PTPRM: variants seen among roughly 807,000 people sequenced by gnomAD.
The protein encoded by PTPRM is receptor-type tyrosine-protein phosphatase mu.
PTPRM carries 47 observed loss-of-function variants against 186.7 expected under a neutral mutation model. The observed-to-expected ratio is 0.25, with a 90% CI of 0.20 to 0.32. PTPRM has a LOEUF of 0.32. PTPRM is among the 10% of genes least tolerant of loss of function. PTPRM has a pLI of 1.00. For synonymous variants in PTPRM, 668 were observed against 674.9 expected (o/e 0.99, Z 0.16); for missense variants, 1,494 against 1,865.0 (o/e 0.80, Z 3.66).
intron 7 of PTPRM, among the ~76,000 whole-genome samples, chr18:8,004,831 C>T (rs779311935): frequency 1.2e-4 from 18 of 152,106 alleles, no homozygotes; most frequent in Non-Finnish European, 2.4e-4. Context: ...AGGCAATCGC[C>T]GTTTACCCTA....
intron 14 of PTPRM, among the ~76,000 whole-genome samples, chr18:8,158,142 A>C (rs1240990635): frequency 2.0e-5 from 3 of 152,194 alleles, no homozygotes; most frequent in Non-Finnish European, 2.9e-5. Flanking sequence ...ACCTCTATCT[A>C]TTAGCATAGC....
chr18:7,895,557 T>C (rs2049311572), intron 3 of PTPRM, among the ~76,000 whole-genome samples: 1 of 152,154 alleles, frequency 6.6e-6, no homozygotes, highest in Admixed American at 6.5e-5. Context: ...TCCCTGGACT[T>C]GTTTGACTGC....
At chr18:8,403,421 T>C (rs2095882921) in intron 32 of PTPRM, 1 of 152,198 alleles carries the variant, frequency 6.6e-6, no homozygotes, top group South Asian at 2.1e-4. Flanking sequence ...CTGTTGGGTA[T>C]AACATTCGAT....
intron 13 of PTPRM, among the ~76,000 whole-genome samples, chr18:8,118,211 T>A (rs1158881813): frequency 6.6e-6 from 1 of 152,192 alleles, no homozygotes; most frequent in Non-Finnish European, 1.5e-5. Flanking sequence ...TAAAATAAGA[T>A]TTTTTCATAA....
chr18:7,758,530 C>G (rs187990980), intron 1 of PTPRM, among the ~76,000 whole-genome samples: 39 of 152,264 alleles, frequency 2.6e-4, no homozygotes, highest in African/African-American at 9.1e-4. Context: ...GTGGCTCTAG[C>G]AATTAACAAT....
At chr18:7,577,918 C>T (rs2036732354) in intron 1 of PTPRM, among the ~76,000 whole-genome samples, 1 of 152,018 alleles carries the variant, frequency 6.6e-6, no homozygotes, top group Non-Finnish European at 1.5e-5. Context: ...GTTGAGAATG[C>T]TTGGTATGTT....
At chr18:7,747,207 C>T (rs1022529724) in intron 1 of PTPRM, among the ~76,000 whole-genome samples, 2 of 152,102 alleles carry the variant, frequency 1.3e-5, no homozygotes, top group African/African-American at 4.8e-5. Context: ...GGAGTCAGAA[C>T]ACCACTCCCA....
chr18:7,597,872 G>A (rs2037305063), intron 1 of PTPRM, among the ~76,000 whole-genome samples: 1 of 152,180 alleles, frequency 6.6e-6, no homozygotes, highest in African/African-American at 2.4e-5. Flanking sequence ...TAGGTGAAAA[G>A]CTTACTCCCT....
intron 3 of PTPRM, among the ~76,000 whole-genome samples, chr18:7,888,908 G>T (rs28688704): frequency 6.6e-6 from 1 of 152,184 alleles, no homozygotes; most frequent in Non-Finnish European, 1.5e-5. Flanking sequence ...ATAAGTAGGA[G>T]CTAAGCACTG....
rs545615800 is a variant in PTPRM, at chr18:7,862,712, C to G, written c.197-25394C>G. On this transcript the variant is annotated intron_variant, in intron 2 of 32. Transcript: ENST00000580170. ...TGGTGCTCCTATGATATTGAATAGG[C>G]TAAATGCAGTTGCTCAATAAATGTA... 3.9e-5 allele frequency among the ~76,000 whole-genome samples: 6 copies of G among 152,292 alleles called. No homozygotes were observed. In the South Asian group the frequency reaches 1.2e-3, roughly 32 times the overall value.
At chr18:8,331,999 G>A (rs1229189528) in intron 22 of PTPRM, among the ~76,000 whole-genome samples, 2 of 152,194 alleles carry the variant, frequency 1.3e-5, no homozygotes, top group South Asian at 2.1e-4. Context: ...GACCAGACAA[G>A]TTCCTTCCTA....
At chr18:7,973,966 TAA>T (rs571394683) in intron 7 of PTPRM, among the ~76,000 whole-genome samples, 8 of 140,178 alleles carry the variant, frequency 5.7e-5, no homozygotes, top group Admixed American at 1.4e-4. Context: ...GAGATTCTGG[TAA>T]AAAAAAAAAA....
chr18:7,625,987 G>A (rs1348358354), intron 1 of PTPRM, among the ~76,000 whole-genome samples: 2 of 152,172 alleles, frequency 1.3e-5, no homozygotes, highest in Non-Finnish European at 2.9e-5. Context: ...TGAAACAGCC[G>A]TTTCAGCCTC....
intron 7 of PTPRM, among the ~76,000 whole-genome samples, chr18:8,012,818 G>A (rs2084621202): frequency 6.6e-6 from 1 of 152,094 alleles, no homozygotes; most frequent in Non-Finnish European, 1.5e-5. Context: ...TAGCAAAAGG[G>A]ATCATAATTC....
At chr18:7,670,367 C>G (rs1268708217) in intron 1 of PTPRM, among the ~76,000 whole-genome samples, 2 of 152,038 alleles carry the variant, frequency 1.3e-5, no homozygotes, top group African/African-American at 4.8e-5. Flanking sequence ...TAGATTCTGT[C>G]TTTCTTTTCA....
chr18:7,658,330 T>TTATATATATATATATATATATATATA (rs34009975), intron 1 of PTPRM, among the ~76,000 whole-genome samples: 36 of 124,412 alleles, frequency 2.9e-4, no homozygotes, highest in African/African-American at 1.1e-3. Flanking sequence ...TAAAGTAAAT[T>TTATATATATATATATATATATATATA]TATATATATA....
At chr18:7,741,118 T>G (rs1256867188) in intron 1 of PTPRM, among the ~76,000 whole-genome samples, 1 of 152,238 alleles carries the variant, frequency 6.6e-6, no homozygotes, top group Non-Finnish European at 1.5e-5. Flanking sequence ...CTAAGTTTTC[T>G]GAGCCTACAT....
chr18:8,399,940 T>C, intron 32 of PTPRM: 1 of 152,282 alleles, frequency 6.6e-6, no homozygotes, highest in Non-Finnish European at 1.5e-5. Context: ...GAGGGCCCTG[T>C]AGGAAGGTGA....
intron 2 of PTPRM, among the ~76,000 whole-genome samples, chr18:7,802,058 G>A (rs2043999296): frequency 1.3e-5 from 2 of 152,136 alleles, no homozygotes; most frequent in Admixed American, 1.3e-4. Context: ...CTTCTCTTAG[G>A]GATAGCAGCC....
Sources: allele counts gnomAD v4.1 joint callset (sites outside exome capture counted in the v4.1 genomes callset), GRCh38; gene constraint gnomAD v4.1.1; transcripts MANE v1.5; gene names NCBI Gene and HGNC (gene_info 2026-07-23, HGNC 2026-07-21).